Variants in NLGN1 observed in about 807,000 individuals in gnomAD.
NLGN1 encodes neuroligin 1.
In NLGN1, 12 loss-of-function variants were observed where a neutral mutation model predicts 65.5. The ratio of observed to expected loss-of-function variants is 0.18; its 90% confidence interval spans 0.12 to 0.30. NLGN1 has a LOEUF of 0.30. Among genes scored for constraint, NLGN1 ranks in the 10% least tolerant of loss-of-function variants. The pLI is 1.00. For missense variants in NLGN1, 750 were observed against 1,007.1 expected (o/e 0.74, Z 3.46); for synonymous variants, 350 against 359.5 (o/e 0.97, Z 0.30).
Position 173,667,230 on chromosome 3 carries a change from C to T in NLGN1, c.493+62139C>T, listed in dbSNP as rs543403261. 3.4e-3 allele frequency among the ~76,000 whole-genome samples: 456 copies of T among 135,510 alleles called. 4 individuals carry two copies. The highest frequency in any genetic ancestry group is 0.012 in the African/African-American group (430 of 37,006). The allele number at this position is 135,510 out of a possible 152,430, so 88.9% of individuals were successfully genotyped here. On this transcript the variant is annotated intron_variant, in intron 3 of 6. Coordinates refer to ENST00000457714, the Ensembl canonical transcript of NLGN1. ...TTTCAAACATTGCCATAATGAAACA[C>T]ACGCATATGCACACACACACACACA...
chr3:173,870,286 A>G (rs1157554125), intron 4 of NLGN1, among the ~76,000 whole-genome samples: 2 of 152,194 alleles, frequency 1.3e-5, no homozygotes, highest in Non-Finnish European at 2.9e-5. Context: ...TTCAAATCCA[A>G]TAACTATGAA....
intron 4 of NLGN1, among the ~76,000 whole-genome samples, chr3:174,135,050 A>G (rs1720956881): frequency 6.6e-6 from 1 of 152,072 alleles, no homozygotes; most frequent in Non-Finnish European, 1.5e-5. Flanking sequence ...TATTAAAACC[A>G]TTTTCCTAAT....
chr3:173,716,960 G>C (rs556923428), intron 3 of NLGN1, among the ~76,000 whole-genome samples: 1 of 152,236 alleles, frequency 6.6e-6, no homozygotes, highest in South Asian at 2.1e-4. Flanking sequence ...CTATAGCTTT[G>C]ATCCTAGCAC....
intron 4 of NLGN1, among the ~76,000 whole-genome samples, chr3:174,246,332 A>G (rs74639741): frequency 6.6e-6 from 1 of 152,314 alleles, no homozygotes; most frequent in East Asian, 1.9e-4. Context: ...ATTATTCCAA[A>G]ACCAGCTTTC....
chr3:173,668,933 A>G (rs1196352969), intron 3 of NLGN1, among the ~76,000 whole-genome samples: 2 of 152,044 alleles, frequency 1.3e-5, no homozygotes, highest in East Asian at 3.9e-4. Flanking sequence ...CAGTTTCTTT[A>G]TCTTTAATAT....
rs76464581 is a variant in NLGN1, at chr3:174,161,620, A to G, written c.647-113695A>G. 3.9e-3 allele frequency among the ~76,000 whole-genome samples: 590 copies of G among 151,992 alleles called. 3 individuals carry two copies. Among genetic ancestry groups the G allele is most frequent in the African/African-American group, 0.014 (566 of 41,508 alleles). On this transcript the variant is annotated intron_variant, in intron 4 of 6. Coordinates refer to ENST00000457714, the Ensembl canonical transcript of NLGN1. Reference sequence around the variant, plus strand: ...GTTTCTATAGCAGGGAAGAAATCCAACAATGTATAGGAAAAGAAGGAATTA... The same window carrying G: ...GTTTCTATAGCAGGGAAGAAATCCAGCAATGTATAGGAAAAGAAGGAATTA...
intron 3 of NLGN1, among the ~76,000 whole-genome samples, chr3:173,686,376 T>G (rs1266467508): frequency 6.6e-6 from 1 of 152,164 alleles, no homozygotes; most frequent in Non-Finnish European, 1.5e-5. Flanking sequence ...AAAAGGGGGT[T>G]TTAACTTCAT....
chr3:173,748,008 C>G (rs1246243298), intron 3 of NLGN1, among the ~76,000 whole-genome samples: 1 of 151,496 alleles, frequency 6.6e-6, no homozygotes, highest in Non-Finnish European at 1.5e-5. Context: ...CCATGTTGAC[C>G]AGGCTGGTCT....
intron 4 of NLGN1, among the ~76,000 whole-genome samples, chr3:174,191,830 G>T (rs1732443984): frequency 6.6e-6 from 1 of 151,976 alleles, no homozygotes; most frequent in Admixed American, 6.6e-5. Context: ...TTTGTTTTCA[G>T]TTTCAATGAT....
Position 173,871,333 on chromosome 3 carries a change from A to G in NLGN1, c.646+63501A>G, listed in dbSNP as rs535946497. On this transcript the variant is annotated intron_variant, in intron 4 of 6. Transcript: ENST00000457714. The stretch of plus-strand genomic sequence containing the variant: ...TAAGCTGGAATAGAGTTGCAAATGT[A>G]TGATTTTTTTCAAAAAAGACAAATA... Among the ~76,000 whole-genome samples, 9 of 152,322 alleles carry G rather than the reference A, an allele frequency of 5.9e-5. No homozygotes were observed. In the South Asian group the frequency reaches 1.9e-3, roughly 32 times the overall value.
chr3:173,851,008 G>A (rs1726824846), intron 4 of NLGN1, among the ~76,000 whole-genome samples: 1 of 152,012 alleles, frequency 6.6e-6, no homozygotes, highest in Non-Finnish European at 1.5e-5. Flanking sequence ...GCCTCCCAAA[G>A]TGCTGGGATT....
At chr3:173,872,753 T>G (rs958586437) in intron 4 of NLGN1, among the ~76,000 whole-genome samples, 1 of 152,216 alleles carries the variant, frequency 6.6e-6, no homozygotes, top group African/African-American at 2.4e-5. Context: ...CTAGCTTTTC[T>G]AAATGTAGTT....
chr3:173,890,098 C>G (rs907448594), intron 4 of NLGN1, among the ~76,000 whole-genome samples: 2 of 152,044 alleles, frequency 1.3e-5, no homozygotes, highest in Non-Finnish European at 2.9e-5. Context: ...TCCCATTTAG[C>G]TGTTAAGAGC....
At chr3:174,135,942 A>G (rs1192027912) in intron 4 of NLGN1, among the ~76,000 whole-genome samples, 2 of 152,146 alleles carry the variant, frequency 1.3e-5, no homozygotes, top group Admixed American at 6.5e-5. Context: ...ATAAGTAAAA[A>G]GTGACTACTA....
chr3:173,787,647 T>A (rs1025381415), intron 3 of NLGN1, among the ~76,000 whole-genome samples: 3 of 152,206 alleles, frequency 2.0e-5, no homozygotes, highest in Non-Finnish European at 4.4e-5. Context: ...TATCCCATAT[T>A]GATTCTTGTA....
intron 2 of NLGN1, among the ~76,000 whole-genome samples, chr3:173,473,126 A>G (rs998981903): frequency 6.6e-6 from 1 of 152,220 alleles, no homozygotes; most frequent in Non-Finnish European, 1.5e-5. Flanking sequence ...TAGTAACCCC[A>G]CAACAGAAAT....
chr3:173,842,046 G>A (rs190676933), intron 4 of NLGN1, among the ~76,000 whole-genome samples: 1 of 152,246 alleles, frequency 6.6e-6, no homozygotes, highest in Admixed American at 6.5e-5. Flanking sequence ...CACATGGCTG[G>A]GGAGGCCTCA....
chr3:173,670,365 C>T (rs1183251249), intron 3 of NLGN1, among the ~76,000 whole-genome samples: 1 of 152,104 alleles, frequency 6.6e-6, no homozygotes, highest in Non-Finnish European at 1.5e-5. Flanking sequence ...AGGACAAAAA[C>T]AGTGATGTGT....
At chr3:173,856,182 T>C (rs1727920405) in intron 4 of NLGN1, among the ~76,000 whole-genome samples, 1 of 152,162 alleles carries the variant, frequency 6.6e-6, no homozygotes, top group Non-Finnish European at 1.5e-5. Context: ...ACTTTCTGAA[T>C]GCTGCAGAGA....
Sources: gnomAD v4.1 joint callset for allele counts (sites outside exome capture counted in the v4.1 genomes callset) on GRCh38, gnomAD v4.1.1 for gene constraint, MANE v1.5 for transcripts, NCBI Gene and HGNC (gene_info 2026-07-23, HGNC 2026-07-21) for gene names.